EFHC2: variants seen among roughly 807,000 people sequenced by gnomAD.
The protein encoded by EFHC2 is EF-hand domain containing 2, also known as EF-hand domain-containing family member C2.
EFHC2 carries 18 observed loss-of-function variants against 52.7 expected under a neutral mutation model. That is an observed-to-expected ratio of 0.34 (90% CI 0.24 to 0.51). EFHC2 has a LOEUF of 0.51. Ranked by LOEUF, EFHC2 falls within the 20% of genes least tolerant of loss-of-function variation. EFHC2 has a pLI of 0.97. For missense variants in EFHC2, 513 were observed against 562.5 expected, an observed-to-expected ratio of 0.91 and a Z score of 0.89; for synonymous variants, 203 against 204.1, an observed-to-expected ratio of 0.99 and a Z score of 0.04.
chrX:44,225,068 G>A (rs1356344365), intron 11 of EFHC2, among the ~76,000 whole-genome samples: 2 of 110,775 alleles, frequency 1.8e-5, no homozygotes, highest in East Asian at 2.9e-4. Flanking sequence ...CTGCCACCAG[G>A]TATCTATCCT....
intron 11 of EFHC2, among the ~76,000 whole-genome samples, chrX:44,224,606 G>A (rs1190505293): frequency 8.9e-6 from 1 of 112,542 alleles, no homozygotes; most frequent in Admixed American, 9.4e-5. Flanking sequence ...GATGTTCACA[G>A]GAGAGCTACT....
intron 14 of EFHC2, among the ~76,000 whole-genome samples, chrX:44,151,937 T>G: frequency 9.0e-6 from 1 of 111,707 alleles, no homozygotes; most frequent in East Asian, 2.8e-4. Context: ...AATCCAGAAC[T>G]GTGCAAAGAT....
At chrX:44,186,131 T>C (rs1284916530) in intron 11 of EFHC2, among the ~76,000 whole-genome samples, 1 of 111,848 alleles carries the variant, frequency 8.9e-6, no homozygotes, top group Non-Finnish European at 1.9e-5. Flanking sequence ...ATTCAGTATG[T>C]CTTGGTGCAC....
intron 11 of EFHC2, among the ~76,000 whole-genome samples, chrX:44,208,360 C>A (rs187342330): frequency 1.8e-5 from 2 of 111,992 alleles, no homozygotes; most frequent in Admixed American, 9.5e-5. Context: ...AGCTAGAGGC[C>A]ATTATCTTAA....
At chrX:44,316,689 T>TA (rs58127448) in intron 1 of EFHC2, among the ~76,000 whole-genome samples, 7,666 of 111,272 alleles carry the variant, frequency 0.069, 595 homozygotes, top group African/African-American at 0.22. Context: ...ATGTCATTTC[T>TA]AAAAAACAGA....
intron 1 of EFHC2, among the ~76,000 whole-genome samples, chrX:44,331,134 T>A (rs1366493681): frequency 8.9e-6 from 1 of 112,135 alleles, no homozygotes; most frequent in Non-Finnish European, 1.9e-5. Context: ...ATAGCCCCAA[T>A]GTCCTTCCAA....
At chrX:44,271,038 CCTAT>C (rs2037613350) in intron 3 of EFHC2, among the ~76,000 whole-genome samples, 1 of 111,538 alleles carries the variant, frequency 9.0e-6, no homozygotes, top group African/African-American at 3.3e-5. Context: ...GTGAACCTAC[CCTAT>C]CTCTTTCCCT....
intron 3 of EFHC2, among the ~76,000 whole-genome samples, chrX:44,265,271 T>A (rs1473407485): frequency 9.0e-6 from 1 of 111,272 alleles, no homozygotes; most frequent in African/African-American, 3.3e-5. Context: ...TTTTATTTTT[T>A]ATTTATTTAT....
At chrX:44,154,912 T>C (rs1250464969) in intron 14 of EFHC2, among the ~76,000 whole-genome samples, 1 of 111,500 alleles carries the variant, frequency 9.0e-6, no homozygotes, top group Non-Finnish European at 1.9e-5. Flanking sequence ...GTAGATTCTA[T>C]GCAATTTTGC....
chrX:44,305,060 G>A (rs1293222358), intron 2 of EFHC2, among the ~76,000 whole-genome samples: 4 of 109,803 alleles, frequency 3.6e-5, no homozygotes, highest in African/African-American at 6.6e-5. Flanking sequence ...TCAGGAGTTC[G>A]AGACCAGCCT....
chrX:44,227,958 G>A (rs1295325682), intron 11 of EFHC2, among the ~76,000 whole-genome samples: 16 of 111,666 alleles, frequency 1.4e-4, no homozygotes, highest in Non-Finnish European at 2.6e-4. Flanking sequence ...AAGACAGTCA[G>A]TAAGGCCAAA....
chrX:44,285,651 G>T, intron 2 of EFHC2: 1 of 129,230 alleles, frequency 7.7e-6, no homozygotes, highest in Admixed American at 7.8e-5. Flanking sequence ...TTTGGCTGTC[G>T]CCCTCATTTT....
At chrX:44,334,179 T>C (rs929751047) in intron 1 of EFHC2, among the ~76,000 whole-genome samples, 28 of 112,108 alleles carry the variant, frequency 2.5e-4, no homozygotes, top group African/African-American at 8.7e-4. Context: ...ACAGAATGCA[T>C]GGTGACCAAA....
chrX:44,248,446 G>A, intron 6 of EFHC2, 36 bp from the exon 7 acceptor site: 2 of 1,175,803 alleles, frequency 1.7e-6, no homozygotes, highest in Non-Finnish European at 2.3e-6. Flanking sequence ...TTGGCACCAT[G>A]GACCCTCCAA....
intron 2 of EFHC2, among the ~76,000 whole-genome samples, chrX:44,294,249 C>CGTGTGTGTGTGTGT (rs200162737): frequency 2.3e-5 from 2 of 87,496 alleles, no homozygotes; most frequent in Non-Finnish European, 4.6e-5. Context: ...GTATACTCAA[C>CGTGTGTGTGTGTGT]GTGTGTGTGT....
intron 13 of EFHC2, among the ~76,000 whole-genome samples, chrX:44,174,660 G>C (rs1295743229): frequency 1.0e-5 from 1 of 97,357 alleles, no homozygotes; most frequent in Non-Finnish European, 2.0e-5. Flanking sequence ...AAGGGGGGGG[G>C]AGGGGGAAGG....
At chrX:44,319,724 A>C (rs767684266) in intron 1 of EFHC2, among the ~76,000 whole-genome samples, 4 of 111,879 alleles carry the variant, frequency 3.6e-5, no homozygotes, top group Non-Finnish European at 7.5e-5. Context: ...TATGGTAAGG[A>C]TATAAAGTTT....
chrX:44,286,702 A>G (rs2037750932), intron 2 of EFHC2, among the ~76,000 whole-genome samples: 1 of 111,432 alleles, frequency 9.0e-6, no homozygotes, highest in African/African-American at 3.3e-5. Context: ...TGTATATTAT[A>G]GGAATTCTAT....
At chrX:44,327,594 T>A (rs760642705) in intron 1 of EFHC2, among the ~76,000 whole-genome samples, 104 of 111,677 alleles carry the variant, frequency 9.3e-4, no homozygotes, top group African/African-American at 3.3e-3. Context: ...TTTTAAAAAT[T>A]CATTTATTCT....
Sources: allele counts gnomAD v4.1 joint callset (sites outside exome capture counted in the v4.1 genomes callset), GRCh38; gene constraint gnomAD v4.1.1; transcripts MANE v1.5; gene names NCBI Gene and HGNC (gene_info 2026-07-23, HGNC 2026-07-21).